The following ZPBP variants were observed in gnomAD, a reference collection of about 807,000 sequenced individuals.
ZPBP encodes zona pellucida binding protein.
ZPBP carries 26 observed loss-of-function variants against 44.8 expected under a neutral mutation model. That is an observed-to-expected ratio of 0.58 (90% CI 0.43 to 0.81). ZPBP has a LOEUF of 0.81. ZPBP is among the 30% of genes least tolerant of loss of function. The pLI, the probability that ZPBP is intolerant of heterozygous loss-of-function variation, is 0.00. For synonymous variants in ZPBP, 174 were observed against 153.2 expected (o/e 1.14, Z -1.00); for missense variants, 409 against 434.0 (o/e 0.94, Z 0.51).
intron 2 of ZPBP, among the ~76,000 whole-genome samples, chr7:49,892,247 C>T (rs369633190): frequency 6.6e-6 from 1 of 151,468 alleles, no homozygotes; most frequent in Non-Finnish European, 1.5e-5. Context: ...GGGGTTTCAC[C>T]GTGTTAGCCA....
chr7:49,879,014 A>G (rs1409723185), intron 2 of ZPBP, among the ~76,000 whole-genome samples: 1 of 152,084 alleles, frequency 6.6e-6, no homozygotes, highest in Non-Finnish European at 1.5e-5. Flanking sequence ...TATTCTCCAT[A>G]TTCTTAAATT....
chr7:49,899,038 C>A (rs1275131807), intron 2 of ZPBP, among the ~76,000 whole-genome samples: 1 of 151,836 alleles, frequency 6.6e-6, no homozygotes, highest in Non-Finnish European at 1.5e-5. Flanking sequence ...GCTATATACA[C>A]CAAGAAACAG....
chr7:49,962,310 A>C (rs1795892312), intron 7 of ZPBP, among the ~76,000 whole-genome samples: 1 of 151,918 alleles, frequency 6.6e-6, no homozygotes, highest in African/African-American at 2.4e-5. Flanking sequence ...CGTGTATTTT[A>C]TATTAGGGGA....
At chr7:49,912,006 T>C (rs760627967) in intron 1 of ZPBP, 3 of 1,602,700 alleles carry the variant, frequency 1.9e-6, no homozygotes, top group South Asian at 2.2e-5. Context: ...TGCACACATA[T>C]AGTATAAAAC....
At chr7:50,079,573 G>C (rs1377282399) in intron 3 of ZPBP, among the ~76,000 whole-genome samples, 1 of 151,550 alleles carries the variant, frequency 6.6e-6, no homozygotes, top group African/African-American at 2.4e-5. Context: ...GAGACATGTG[G>C]TTCTTGGTCC....
intron 7 of ZPBP, among the ~76,000 whole-genome samples, chr7:49,951,456 A>G (rs1198119558): frequency 1.3e-5 from 2 of 151,780 alleles, no homozygotes; most frequent in Non-Finnish European, 3.0e-5. Context: ...AACAGGAAAA[A>G]ATGCTCAACA....
intron 6 of ZPBP, among the ~76,000 whole-genome samples, chr7:50,014,465 C>CTTTTTTTTTTTT (rs11378550): frequency 7.6e-6 from 1 of 132,388 alleles, no homozygotes; most frequent in Admixed American, 7.9e-5. Flanking sequence ...CTTTCTTTTT[C>CTTTTTTTTTTTT]TTTTTTTTTT....
chr7:50,070,365 A>C (rs887107426), intron 3 of ZPBP, among the ~76,000 whole-genome samples: 2 of 152,070 alleles, frequency 1.3e-5, no homozygotes, highest in Non-Finnish European at 2.9e-5. Flanking sequence ...CTTACTCCTT[A>C]CTTCAGTTCC....
intron 2 of ZPBP, among the ~76,000 whole-genome samples, chr7:49,856,987 G>T (rs1407093230): frequency 8.7e-6 from 1 of 114,518 alleles, no homozygotes; most frequent in Non-Finnish European, 1.6e-5. Flanking sequence ...TCCAACCTGG[G>T]TGACAGAGCC....
At chr7:49,989,054 T>C (rs1021299314) in intron 6 of ZPBP, among the ~76,000 whole-genome samples, 2 of 152,188 alleles carry the variant, frequency 1.3e-5, no homozygotes, top group Admixed American at 6.5e-5. Flanking sequence ...TAGTTCTGAG[T>C]ATTCTTAATT....
At position 49,896,388 on chromosome 7, in the gene ZPBP, G is replaced by A. The variant is rs141931958; in HGVS notation, n.509+4730C>T. ...TCACAACTTGTGAGAGACAGATAAAGCAGTGCTAAAAGGAAAACATATGGA... is the reference window on the plus strand; with the variant it reads ...TCACAACTTGTGAGAGACAGATAAAACAGTGCTAAAAGGAAAACATATGGA... On this transcript the variant is annotated intron_variant and non_coding_transcript_variant, in intron 2 of 2. Transcript: ENST00000465922. Among the ~76,000 whole-genome samples, 45 of 152,186 alleles carry A rather than the reference G, an allele frequency of 3.0e-4. No individual in the cohort carries two copies. In the East Asian group the frequency reaches 8.1e-3, roughly 27 times the overall value.
intron 7 of ZPBP, among the ~76,000 whole-genome samples, chr7:49,959,172 T>G: frequency 6.6e-6 from 1 of 151,618 alleles, no homozygotes; most frequent in Non-Finnish European, 1.5e-5. Flanking sequence ...TTATTGCTTT[T>G]CCTCTAATAT....
chr7:49,942,509 AT>A (rs11312195), intron 7 of ZPBP: 114,209 of 153,112 alleles, frequency 0.75, 42,844 homozygotes, highest in East Asian at 0.88. Context: ...TTCTTCAGAT[AT>A]TTTTCTCTGC....
chr7:50,082,768 A>C (rs143388428), intron 2 of ZPBP, among the ~76,000 whole-genome samples: 2 of 151,860 alleles, frequency 1.3e-5, no homozygotes, highest in Admixed American at 6.6e-5. Flanking sequence ...ATTTGTTTTT[A>C]TCATAAACAT....
chr7:50,020,081 T>C (rs766661258), intron 5 of ZPBP, among the ~76,000 whole-genome samples: 3 of 149,796 alleles, frequency 2.0e-5, no homozygotes, highest in African/African-American at 4.9e-5. Context: ...GAAATATACG[T>C]AGAGTTATGA....
At chr7:50,038,703 C>A (rs6583418) in intron 4 of ZPBP, among the ~76,000 whole-genome samples, 40,877 of 152,146 alleles carry the variant, frequency 0.27, 6,105 homozygotes, top group Non-Finnish European at 0.35. Context: ...TGGTCAACAA[C>A]AAACGGCATA....
In ZPBP at chr7:49,973,413, A is replaced by G. The variant is rs544890154; in HGVS notation, c.961+9929T>C. ...AGACAGTAAAAATACAACTCACAGA[A>G]TGGGGAGAAATATTTGAAAAATCAC... is the stretch of plus-strand genomic sequence containing the variant. On this transcript the variant is annotated intron_variant, in intron 7 of 7. Transcript: ENST00000046087. Among the ~76,000 whole-genome samples, 7 of 152,166 alleles carry G rather than the reference A, an allele frequency of 4.6e-5. No individual in the cohort carries two copies. The East Asian group carries it at 1.3e-3, about 29-fold the overall frequency.
chr7:49,860,376 T>C (rs1790600717), intron 2 of ZPBP, among the ~76,000 whole-genome samples: 1 of 152,250 alleles, frequency 6.6e-6, no homozygotes, highest in Non-Finnish European at 1.5e-5. Context: ...GTCTGGCTTA[T>C]TTCACTTACC....
intron 4 of ZPBP, among the ~76,000 whole-genome samples, chr7:50,045,765 T>C (rs1800324858): frequency 1.3e-5 from 2 of 152,144 alleles, no homozygotes; most frequent in South Asian, 4.1e-4. Flanking sequence ...CAAGCTACCA[T>C]TGACTTTCTT....
Sources: gnomAD v4.1 joint callset for allele counts (sites outside exome capture counted in the v4.1 genomes callset) on GRCh38, gnomAD v4.1.1 for gene constraint, MANE v1.5 for transcripts, NCBI Gene and HGNC (gene_info 2026-07-23, HGNC 2026-07-21) for gene names.